Variants in RNF19A observed in about 807,000 individuals in gnomAD.
The protein encoded by RNF19A is ring finger protein 19A, RBR E3 ubiquitin protein ligase.
RNF19A carries 32 observed loss-of-function variants against 75.7 expected under a neutral mutation model. That is an observed-to-expected ratio of 0.42 (90% CI 0.32 to 0.57). The LOEUF (loss-of-function observed/expected upper bound fraction) is 0.57. Among genes scored for constraint, RNF19A ranks in the 20% least tolerant of loss-of-function variants. The probability of loss-of-function intolerance (pLI) is 0.10; values close to 1 mark genes in which losing one functional copy is unlikely to be tolerated. For synonymous variants in RNF19A, 335 were observed against 345.2 expected, an observed-to-expected ratio of 0.97 and a Z score of 0.33; for missense variants, 782 against 1,036.3, an observed-to-expected ratio of 0.75 and a Z score of 3.37.
At chr8:100,334,602 G>A (rs1008068380) in intron 1 of RNF19A, among the ~76,000 whole-genome samples, 7 of 152,116 alleles carry the variant, frequency 4.6e-5, no homozygotes, top group Non-Finnish European at 8.8e-5. Context: ...CCCCACCTCC[G>A]AGCTCCAGAA....
chr8:100,329,042 T>C lies in RNF19A; in HGVS notation c.-243+7066A>G, dbSNP rs1822577027. Among the ~76,000 whole-genome samples, 1 of 152,156 alleles carries C rather than the reference T, an allele frequency of 6.6e-6. No individual in the cohort carries two copies. The highest frequency in any genetic ancestry group is 2.1e-4 in the South Asian group (1 of 4,834). On this transcript the variant is annotated intron_variant, in intron 1 of 3. Coordinates refer to the RNF19A transcript ENST00000519527. This position sits in a 1 kb window ranked among gnomAD's most constrained non-coding sequence, Gnocchi z 4.3. ...ACTCTTCTCCAAAGCACAGGCCAGA[T>C]GTGACTAATTCCAGGTGCCTCCAGA...
Position 100,260,678 on chromosome 8 carries a change from T to A in RNF19A, c.1683-681A>T, listed in dbSNP as rs988357268. Among the ~76,000 whole-genome samples the A allele has an allele frequency of 6.6e-6, 1 of 152,206 alleles. No homozygotes were observed. The highest frequency in any genetic ancestry group is 2.4e-5 in the African/African-American group (1 of 41,448). On this transcript the variant is annotated intron_variant, in intron 8 of 9. Transcript: ENST00000341084. This position sits in a 1 kb window ranked among gnomAD's most constrained non-coding sequence, Gnocchi z 4.1. Reference sequence around the variant, plus strand: ...GATGTCTAATTTATCTTTTAATTCATGTATTCTCCCCTACACTTAAAAAAA... The same window carrying A: ...GATGTCTAATTTATCTTTTAATTCAAGTATTCTCCCCTACACTTAAAAAAA...
At chr8:100,306,222 G>A (rs887986910) in intron 1 of RNF19A, among the ~76,000 whole-genome samples, 3 of 152,086 alleles carry the variant, frequency 2.0e-5, no homozygotes, top group South Asian at 2.1e-4. Context: ...ACTCAGTTTC[G>A]AAGTTTCTTT....
In RNF19A at chr8:100,333,784, C is replaced by CTCCA. The variant is rs1379722984; in HGVS notation, c.-243+2320_-243+2323dup. ...AGCCAGCTATGATTATGCCACTGCA[C>CTCCA]TCCAGCCTGGGCAATAGAGTGACAC... On this transcript the variant is annotated intron_variant, in intron 1 of 3. Transcript: ENST00000519527. The surrounding 1 kb of genome is among the most constrained non-coding windows in gnomAD (Gnocchi z 4.7). Among the ~76,000 whole-genome samples the CTCCA allele has an allele frequency of 7.2e-5, 11 of 152,314 alleles. No homozygotes were observed. Among genetic ancestry groups the CTCCA allele is most frequent in the African/African-American group, 2.6e-4 (11 of 41,572 alleles).
At chr8:100,299,790 G>T (rs990573069) in intron 1 of RNF19A, among the ~76,000 whole-genome samples, 1 of 152,006 alleles carries the variant, frequency 6.6e-6, no homozygotes, top group Non-Finnish European at 1.5e-5. Flanking sequence ...AAAGTATTAA[G>T]TGTTTGGACT....
intron 1 of RNF19A, among the ~76,000 whole-genome samples, chr8:100,304,324 T>C (rs1340177493): frequency 6.6e-6 from 1 of 152,328 alleles, no homozygotes; most frequent in East Asian, 1.9e-4. Context: ...TGGCTATGTA[T>C]ACAACCAGAA....
chr8:100,261,485 CTAAT>C lies in RNF19A; in HGVS notation c.1682+53_1682+56del. 1.5e-6 allele frequency: 2 copies of C among 1,373,760 alleles called. No individual in the cohort carries two copies. Among genetic ancestry groups the C allele is most frequent in the Non-Finnish European group, 2.1e-6 (2 of 963,848 alleles). 85.1% of individuals were successfully genotyped at this position (1,373,760 alleles called of 1,614,324 possible). On this transcript the variant is annotated intron_variant, in intron 8 of 9. Coordinates refer to ENST00000341084, the MANE Select transcript of RNF19A (RefSeq NM_183419.4). The surrounding 1 kb of genome is among the most constrained non-coding windows in gnomAD (Gnocchi z 4.4). ...CATGCTTTATGTTCAAAATTCTCAC[CTAAT>C]TAATAATTTGTAGTTACCAGAAAGC... is the stretch of plus-strand genomic sequence containing the variant.
intron 1 of RNF19A, among the ~76,000 whole-genome samples, chr8:100,318,531 T>C (rs1266674939): frequency 6.6e-6 from 1 of 152,244 alleles, no homozygotes; most frequent in African/African-American, 2.4e-5. Context: ...AAAAGGATTA[T>C]ATTTAAATGT....
At position 100,285,636 on chromosome 8, in the gene RNF19A, A is replaced by AT. The variant is rs879925792; in HGVS notation, c.674+1864dup. On this transcript the variant is annotated intron_variant, in intron 2 of 9. Coordinates refer to ENST00000341084, the MANE Select transcript of RNF19A (RefSeq NM_183419.4). ...CTCCTTTTCCTTTATCATTGTCAGA[A>AT]TTTTTTTTTTTTTTAAGACAGGGCT... 1.2e-3 allele frequency among the ~76,000 whole-genome samples: 168 copies of AT among 145,612 alleles called. 1 individual carries two copies. The highest frequency in any genetic ancestry group is 0.011 in the South Asian group (50 of 4,572).
At chr8:100,314,602 T>C (rs1822346978), upstream of RNF19A, among the ~76,000 whole-genome samples, 1 of 152,132 alleles carries the variant, frequency 6.6e-6, no homozygotes, top group Non-Finnish European at 1.5e-5. This position sits in a 1 kb window ranked among gnomAD's most constrained non-coding sequence, Gnocchi z 4.1. Context: ...TCTCTTCTCT[T>C]TCTCACACAC....
intron 5 of RNF19A, among the ~76,000 whole-genome samples, chr8:100,265,629 G>A (rs906017500): frequency 6.6e-6 from 1 of 152,078 alleles, no homozygotes; most frequent in African/African-American, 2.4e-5. Flanking sequence ...AAAATAAAAT[G>A]ACTTATAAAC....
intron 1 of RNF19A, among the ~76,000 whole-genome samples, chr8:100,320,298 A>G (rs937922341): frequency 1.3e-5 from 2 of 151,702 alleles, no homozygotes; most frequent in South Asian, 2.1e-4. Flanking sequence ...AAAAACAACA[A>G]CAACAACAAA....
At chr8:100,306,511 T>C (rs1243480437) in intron 1 of RNF19A, among the ~76,000 whole-genome samples, 10 of 152,142 alleles carry the variant, frequency 6.6e-5, no homozygotes, top group African/African-American at 2.2e-4. Flanking sequence ...TAAAAATAAT[T>C]CTTCAGGTGT....
intron 1 of RNF19A, among the ~76,000 whole-genome samples, chr8:100,328,750 G>A (rs191791081): frequency 3.3e-5 from 5 of 152,178 alleles, no homozygotes; most frequent in African/African-American, 1.2e-4. Context: ...CATTACAGGC[G>A]TGAGACACCG....
At chr8:100,267,017 G>A (rs945841449) in intron 5 of RNF19A, among the ~76,000 whole-genome samples, 3 of 152,182 alleles carry the variant, frequency 2.0e-5, no homozygotes, top group African/African-American at 4.8e-5. Context: ...GGTCCCAGAA[G>A]TTAGAAACAG....
intron 1 of RNF19A, among the ~76,000 whole-genome samples, chr8:100,315,058 C>T (rs1038984724): frequency 1.3e-5 from 2 of 152,096 alleles, no homozygotes; most frequent in Non-Finnish European, 2.9e-5. Flanking sequence ...GCCTGTAATC[C>T]CAGCACTTTG....
chr8:100,319,852 C>A (rs1435787680), intron 1 of RNF19A, among the ~76,000 whole-genome samples: 3 of 109,386 alleles, frequency 2.7e-5, no homozygotes, highest in Non-Finnish European at 5.5e-5. Context: ...TTTTTTTTTT[C>A]GAGATGGAAT....
At chr8:100,289,091 A>G (rs1037266557) in intron 1 of RNF19A, among the ~76,000 whole-genome samples, 2 of 151,336 alleles carry the variant, frequency 1.3e-5, no homozygotes, top group African/African-American at 4.9e-5. Context: ...ATATATATGT[A>G]TATGAGACTT....
At chr8:100,334,483 G>A (rs1380343301) in intron 1 of RNF19A, among the ~76,000 whole-genome samples, 3 of 152,132 alleles carry the variant, frequency 2.0e-5, no homozygotes, top group Non-Finnish European at 4.4e-5. Flanking sequence ...AGTAGCAGAG[G>A]CAAATTAGTT....
Sources: gnomAD v4.1 joint callset for allele counts (sites outside exome capture counted in the v4.1 genomes callset) on GRCh38, gnomAD v4.1.1 for gene constraint, Gnocchi (gnomAD v3.1) non-coding constraint, MANE v1.5 for transcripts, NCBI Gene and HGNC (gene_info 2026-07-23, HGNC 2026-07-21) for gene names.